Variants in EBF1 observed in about 807,000 individuals in gnomAD.
EBF1 encodes the protein transcription factor COE1.
EBF1 carries 10 observed loss-of-function variants against 68.4 expected under a neutral mutation model. That is an observed-to-expected ratio of 0.15 (90% CI 0.09 to 0.25). The LOEUF is 0.25. Among genes scored for constraint, EBF1 ranks in the 10% least tolerant of loss-of-function variants. EBF1 has a pLI of 1.00. For missense variants in EBF1, 509 were observed against 794.4 expected, an observed-to-expected ratio of 0.64 and a Z score of 4.32; for synonymous variants, 298 against 299.8, an observed-to-expected ratio of 0.99 and a Z score of 0.06.
intron 6 of EBF1, among the ~76,000 whole-genome samples, chr5:158,877,631 T>A (rs1318333693): frequency 6.6e-6 from 1 of 152,204 alleles, no homozygotes; most frequent in Admixed American, 6.5e-5. Context: ...TGTTAGGCTG[T>A]TCTCTTTCTA....
intron 6 of EBF1, among the ~76,000 whole-genome samples, chr5:158,918,809 T>C (rs1562297936): frequency 1.3e-5 from 2 of 152,212 alleles, no homozygotes; most frequent in African/African-American, 4.8e-5. Flanking sequence ...ATACCAAAAT[T>C]AGGGCAAGTT....
chr5:158,809,433 C>T (rs918558598), intron 8 of EBF1, among the ~76,000 whole-genome samples: 2 of 152,168 alleles, frequency 1.3e-5, no homozygotes, highest in Admixed American at 6.6e-5. Flanking sequence ...ATATTCACTT[C>T]AATCATACAA....
chr5:158,751,145 G>A (rs1768797859), intron 10 of EBF1, among the ~76,000 whole-genome samples: 2 of 152,212 alleles, frequency 1.3e-5, no homozygotes, highest in South Asian at 4.1e-4. Flanking sequence ...AAATATGAAA[G>A]AAATATACAA....
intron 6 of EBF1, among the ~76,000 whole-genome samples, chr5:158,873,929 A>G (rs528784322): frequency 3.9e-5 from 6 of 152,190 alleles, no homozygotes; most frequent in Non-Finnish European, 7.3e-5. Flanking sequence ...GTTGGCTAAT[A>G]TAGGTATGGG....
chr5:158,806,765 C>G (rs1050593216), intron 8 of EBF1, among the ~76,000 whole-genome samples: 1 of 152,182 alleles, frequency 6.6e-6, no homozygotes, highest in African/African-American at 2.4e-5. Flanking sequence ...GAAGTAGATG[C>G]CCCTAGGTGA....
intron 15 of EBF1, among the ~76,000 whole-genome samples, chr5:158,704,858 T>G (rs1481855329): frequency 6.6e-6 from 1 of 152,182 alleles, no homozygotes; most frequent in Non-Finnish European, 1.5e-5. Flanking sequence ...GGGGGTGCAG[T>G]GGGCAGAAAG....
At chr5:158,713,292 T>G (rs1759868659) in intron 12 of EBF1, 145 bp from the exon 13 acceptor site, 1 of 688,382 alleles carries the variant, frequency 1.5e-6, no homozygotes, top group Admixed American at 4.3e-5. Context: ...CCTGTTATAT[T>G]AGTCTCACCA....
intron 11 of EBF1, among the ~76,000 whole-genome samples, chr5:158,714,974 C>A (rs1488772051): frequency 6.6e-6 from 1 of 152,028 alleles, no homozygotes; most frequent in Admixed American, 6.6e-5. Flanking sequence ...ATGCTTGGTT[C>A]TAATAATAGG....
chr5:158,792,589 G>A (rs1778861493), intron 9 of EBF1, among the ~76,000 whole-genome samples: 1 of 152,168 alleles, frequency 6.6e-6, no homozygotes, highest in Admixed American at 6.5e-5. Context: ...CTGCTTCCTG[G>A]GTGTGTTGGG....
At chr5:158,997,579 C>A (rs901728013) in intron 6 of EBF1, among the ~76,000 whole-genome samples, 2 of 152,224 alleles carry the variant, frequency 1.3e-5, no homozygotes, top group African/African-American at 2.4e-5. Flanking sequence ...TAGCTCTTTT[C>A]TTCCCATTAC....
chr5:158,800,802 A>C (rs1780440142), intron 8 of EBF1, among the ~76,000 whole-genome samples: 1 of 152,170 alleles, frequency 6.6e-6, no homozygotes, highest in South Asian at 2.1e-4. Flanking sequence ...TTGACTGTGA[A>C]AAGATTTATG....
At chr5:158,919,089 C>A (rs1192034402) in intron 6 of EBF1, among the ~76,000 whole-genome samples, 1 of 152,200 alleles carries the variant, frequency 6.6e-6, no homozygotes, top group African/African-American at 2.4e-5. Flanking sequence ...GCTCTGAACT[C>A]ACTCCATCTG....
chr5:158,992,519 A>G (rs1760539929), intron 6 of EBF1, among the ~76,000 whole-genome samples: 1 of 152,208 alleles, frequency 6.6e-6, no homozygotes, highest in Non-Finnish European at 1.5e-5. Context: ...GTCTGCCCAG[A>G]ACTGTGTAAT....
At chr5:158,708,691 G>A (rs1479667331) in intron 14 of EBF1, among the ~76,000 whole-genome samples, 3 of 152,196 alleles carry the variant, frequency 2.0e-5, no homozygotes, top group Non-Finnish European at 2.9e-5. Context: ...GAGGTATCAG[G>A]GGATGCATCC....
intron 6 of EBF1, among the ~76,000 whole-genome samples, chr5:159,060,333 A>T (rs1319954718): frequency 2.0e-5 from 3 of 152,208 alleles, no homozygotes; most frequent in East Asian, 1.9e-4. Context: ...CATAATTTTT[A>T]AAAGCCACAT....
At chr5:158,863,379 C>T (rs1460273087) in intron 6 of EBF1, among the ~76,000 whole-genome samples, 1 of 152,192 alleles carries the variant, frequency 6.6e-6, no homozygotes, top group Non-Finnish European at 1.5e-5. Flanking sequence ...TGTCACATTG[C>T]TCTATGACTG....
At chr5:158,848,094 G>T (rs565695650) in intron 6 of EBF1, among the ~76,000 whole-genome samples, 6 of 152,274 alleles carry the variant, frequency 3.9e-5, no homozygotes, top group South Asian at 2.1e-4. Flanking sequence ...TGAGTGCTTT[G>T]CATGTATCAG....
intron 7 of EBF1, among the ~76,000 whole-genome samples, chr5:158,829,671 G>A (rs977411723): frequency 6.6e-6 from 1 of 151,994 alleles, no homozygotes; most frequent in African/African-American, 2.4e-5. Flanking sequence ...TTTTTTAAAA[G>A]GTATTGATCA....
intron 6 of EBF1, among the ~76,000 whole-genome samples, chr5:158,889,425 TTGTAC>T (rs1425642485): frequency 1.3e-5 from 2 of 152,116 alleles, no homozygotes; most frequent in Non-Finnish European, 2.9e-5. Context: ...AAAAATAAAT[TTGTAC>T]AAGTCCTAGC....
Sources: gnomAD v4.1 joint callset for allele counts (sites outside exome capture counted in the v4.1 genomes callset) on GRCh38, gnomAD v4.1.1 for gene constraint, MANE v1.5 for transcripts, NCBI Gene and HGNC (gene_info 2026-07-23, HGNC 2026-07-21) for gene names.